Variants in SPTB observed in about 807,000 individuals in gnomAD.
The protein encoded by SPTB is spectrin beta chain, erythrocytic.
SPTB carries 45 observed loss-of-function variants against 256.2 expected under a neutral mutation model. The ratio of observed to expected loss-of-function variants is 0.18; its 90% CI spans 0.14 to 0.23. The LOEUF (loss-of-function observed/expected upper bound fraction) is 0.23, where lower values mean the gene tolerates loss of function less well. Ranked by LOEUF, SPTB falls within the 10% of genes least tolerant of loss-of-function variation. The probability of loss-of-function intolerance (pLI) is 1.00; values close to 1 mark genes in which losing one functional copy is unlikely to be tolerated. For missense variants in SPTB, 2,715 were observed against 3,040.4 expected (o/e 0.89, Z 2.52); for synonymous variants, 1,231 against 1,243.1 (o/e 0.99, Z 0.21).
intron 1 of SPTB, among the ~76,000 whole-genome samples, chr14:64,868,364 G>A (rs11158564): frequency 0.81 from 122,987 of 151,950 alleles, 51,246 homozygotes; most frequent in Non-Finnish European, 0.91. Context: ...TTACTTGGGG[G>A]GATGGTGACA....
In SPTB at chr14:64,786,505, C is replaced by T. The variant is rs1435734860; in HGVS notation, c.3460G>A (p.Gly1154Ser). ...EGLDTGWNAL[G>S]RMWESRSHTL... ...TGGCTGCGGCTCTCCCACATCCTGC[C>T]CAGGGCATTCCAGCCAGTATCCAGG... The change falls in exon 16 of 36, where the codon GGC (glycine) becomes AGC (serine). Residue 1154 changes from glycine (G) to serine (S), a missense_variant. Coordinates refer to ENST00000644917, the MANE Select transcript of SPTB (RefSeq NM_001355436.2). The surrounding 1 kb of genome is among the most constrained non-coding windows in gnomAD (Gnocchi z 5.6). The T allele has an allele frequency of 1.2e-6, 2 of 1,613,958 alleles. No homozygotes were observed. The highest frequency in any genetic ancestry group is 1.7e-6 in the Non-Finnish European group (2 of 1,180,020).
At chr14:64,829,308 A>C (rs891667882) in intron 1 of SPTB, among the ~76,000 whole-genome samples, 1 of 152,250 alleles carries the variant, frequency 6.6e-6, no homozygotes, top group African/African-American at 2.4e-5. Context: ...TCAACAAGTT[A>C]GAGGCTTTAA....
intron 27 of SPTB, 138 bp from the exon 28 acceptor site, chr14:64,769,866 G>A: frequency 8.4e-7 from 1 of 1,189,612 alleles, no homozygotes; most frequent in Non-Finnish European, 1.2e-6. Context: ...GCCAGCCAGG[G>A]GGTCCTCCGC....
intron 29 of SPTB, among the ~76,000 whole-genome samples, chr14:64,768,725 C>A (rs1417036992): frequency 6.6e-6 from 1 of 150,770 alleles, no homozygotes; most frequent in East Asian, 2.0e-4. Flanking sequence ...GGGCCCCCAA[C>A]TCCTCCCCCA....
Position 64,775,404 on chromosome 14 carries a change from C to T in SPTB, c.4564-1G>A. On this transcript the variant is annotated splice_acceptor_variant, in intron 22 of 35. Coordinates refer to ENST00000644917, the MANE Select transcript of SPTB (RefSeq NM_001355436.2). LOFTEE classifies it high-confidence loss of function. The surrounding 1 kb of genome is among the most constrained non-coding windows in gnomAD (Gnocchi z 5.0). ...GGCCCAGAATCTCATTCTGCAGTGT[C>T]TGCGGCCAGAAGGAAGGGCTCGGGG... 3 of 1,610,868 alleles carry T rather than the reference C, an allele frequency of 1.9e-6. No individual in the cohort carries two copies.
chr14:64,763,197 G>A (rs950072741), intron 32 of SPTB, among the ~76,000 whole-genome samples: 1 of 152,230 alleles, frequency 6.6e-6, no homozygotes, highest in Non-Finnish European at 1.5e-5. Context: ...CCTGGGAGGT[G>A]GGGGATGCTC....
In SPTB at chr14:64,792,587, T is replaced by C. The variant is rs918247228; in HGVS notation, c.2666+410A>G. Among the ~76,000 whole-genome samples the C allele has an allele frequency of 2.6e-5, 4 of 152,154 alleles. No homozygotes were observed. The highest frequency in any genetic ancestry group is 9.7e-5 in the African/African-American group (4 of 41,434). ...ACAGGGGGTTTGCAAATTCTCTCTGTGGCCCCTCAGAGTCTCCTGGCTTAA... is the reference window on the plus strand; with the variant it reads ...ACAGGGGGTTTGCAAATTCTCTCTGCGGCCCCTCAGAGTCTCCTGGCTTAA... On this transcript the variant is annotated intron_variant, in intron 14 of 35. Transcript: ENST00000644917. The surrounding 1 kb of genome is among the most constrained non-coding windows in gnomAD (Gnocchi z 4.2).
intron 1 of SPTB, among the ~76,000 whole-genome samples, chr14:64,858,858 T>G (rs1053665003): frequency 3.9e-5 from 6 of 152,184 alleles, no homozygotes; most frequent in African/African-American, 1.4e-4. Context: ...CTGCCTTAGC[T>G]TAAACAGACT....
rs999190303 is a variant in SPTB, at chr14:64,806,131, A to C, written c.149-1041T>G. On this transcript the variant is annotated intron_variant, in intron 2 of 35. Coordinates refer to ENST00000644917, the MANE Select transcript of SPTB (RefSeq NM_001355436.2). The surrounding 1 kb of genome is among the most constrained non-coding windows in gnomAD (Gnocchi z 4.1). ...AGAGGACAGAAGACTGGGATGGCAC[A>C]AAAAAAAGAGAGAGAAAAGGATAGA... Among the ~76,000 whole-genome samples, 2 of 104,670 alleles carry C rather than the reference A, an allele frequency of 1.9e-5. No homozygotes were observed. Among genetic ancestry groups the C allele is most frequent in the Non-Finnish European group, 3.5e-5 (2 of 56,682 alleles). The allele number at this position is 104,670 out of a possible 152,430, so 68.7% of individuals were successfully genotyped here.
chr14:64,795,511 T>C lies in SPTB; in HGVS notation c.1470A>G (p.Lys490=), dbSNP rs1333210278. 1.2e-6 allele frequency: 2 copies of C among 1,614,044 alleles called. No homozygotes were observed. The highest frequency in any genetic ancestry group is 1.7e-6 in the Non-Finnish European group (2 of 1,180,046). The stretch of plus-strand genomic sequence containing the variant: ...TGCGCTTCTGGTCATGGTAGTTCTC[T>C]TTCTCCAGCTCCTGAGCCAGGTCCT... The part of the protein sequence containing the change: ...ALEDLAQELE[K]ENYHDQKRIT... Residue 490 remains lysine, a synonymous_variant, in exon 12 of 36, where the codon AAA becomes AAG. Transcript: ENST00000644917. The surrounding 1 kb of genome is among the most constrained non-coding windows in gnomAD (Gnocchi z 6.5).
intron 15 of SPTB, among the ~76,000 whole-genome samples, chr14:64,788,519 G>A (rs964629810): frequency 1.3e-5 from 2 of 152,164 alleles, no homozygotes; most frequent in Non-Finnish European, 2.9e-5. Flanking sequence ...TGGGAATTCC[G>A]TGCCTGTCTG....
chr14:64,767,267 A>G (rs2082200057), intron 31 of SPTB, 36 bp downstream of exon 31: 2 of 1,613,274 alleles, frequency 1.2e-6, no homozygotes, highest in Non-Finnish European at 1.7e-6. Flanking sequence ...CACTTGGCAG[A>G]GCATTCAGCT....
intron 1 of SPTB, among the ~76,000 whole-genome samples, chr14:64,830,076 G>A (rs536648133): frequency 5.3e-5 from 8 of 152,058 alleles, no homozygotes; most frequent in African/African-American, 1.4e-4. Context: ...GTAGCTCCCC[G>A]CTCTGTTAGC....
chr14:64,787,059 C>A lies in SPTB; in HGVS notation c.2906G>T (p.Trp969Leu). 1 of 1,613,918 alleles carries A rather than the reference C, an allele frequency of 6.2e-7. No homozygotes were observed. Among genetic ancestry groups the A allele is most frequent in the Non-Finnish European group, 8.5e-7 (1 of 1,180,038 alleles). The change falls in exon 16 of 36, where the codon TGG (tryptophan) becomes TTG (leucine). Residue 969 changes from tryptophan to leucine, a missense_variant. By Grantham distance (61) the Trp-to-Leu change is moderately conservative (BLOSUM62 -2). Coordinates refer to ENST00000644917, the MANE Select transcript of SPTB (RefSeq NM_001355436.2). ...YCVDCEETSKWITDKTKVVES... is the reference protein window; with the variant it reads ...YCVDCEETSKLITDKTKVVES... ...CACTACCTTTGTCTTGTCCGTGATC[C>A]ACTTGCTGGTCTCCTCGCAATCTAC... is the stretch of plus-strand genomic sequence containing the variant.
In SPTB at chr14:64,841,658, T is replaced by C. The variant is rs2083608871; in HGVS notation, c.-51-18513A>G. Among the ~76,000 whole-genome samples the C allele has an allele frequency of 6.6e-6, 1 of 152,108 alleles. No individual in the cohort carries two copies. Among genetic ancestry groups the C allele is most frequent in the African/African-American group, 2.4e-5 (1 of 41,390 alleles). On this transcript the variant is annotated intron_variant, in intron 1 of 35. Coordinates refer to ENST00000644917, the MANE Select transcript of SPTB (RefSeq NM_001355436.2). This position sits in a 1 kb window ranked among gnomAD's most constrained non-coding sequence, Gnocchi z 4.6. ...ACATGGAGAAGATAGGAAAGCATTG[T>C]GGGTAACGTTCCCAGGACAGACCAG...
In SPTB at chr14:64,785,572, G is replaced by C. The variant is rs370662950; in HGVS notation, c.3820C>G (p.Leu1274Val). 4.3e-6 allele frequency: 7 copies of C among 1,613,914 alleles called. No homozygotes were observed. The highest frequency in any genetic ancestry group is 5.9e-6 in the Non-Finnish European group (7 of 1,180,000). ...QEASVLLRDN[L>V]ELQNFLQNCQ... is the part of the protein sequence containing the mutation. ...TTCTGGAGGAAGTTCTGTAGCTCCA[G>C]GTTGTCTCTCAGTAGGACAGAGGCC... Residue 1274 changes from leucine (L) to valine (V), a missense_variant, in exon 18 of 36, where the codon CTG becomes GTG. By Grantham distance (32) the Leu-to-Val change is conservative. Around this residue, in one of 4 missense-constraint regions of SPTB, gnomAD observed 2,239 missense variants for 2,384.4 expected, o/e 0.94. Transcript: ENST00000644917. This position sits in a 1 kb window ranked among gnomAD's most constrained non-coding sequence, Gnocchi z 4.4.
At position 64,845,765 on chromosome 14, in the gene SPTB, G is replaced by C. The variant is rs568845730; in HGVS notation, c.-51-22620C>G. The stretch of plus-strand genomic sequence containing the variant: ...GTGAAATGAGTTCTGCCATGGGCTC[G>C]CCTAGTCTCTTCATTGTTGAGTCAA... On this transcript the variant is annotated intron_variant, in intron 1 of 35. Coordinates refer to ENST00000644917, the MANE Select transcript of SPTB (RefSeq NM_001355436.2). The surrounding 1 kb of genome is among the most constrained non-coding windows in gnomAD (Gnocchi z 4.8). Among the ~76,000 whole-genome samples the C allele has an allele frequency of 6.6e-6, 1 of 152,112 alleles. No homozygotes were observed. The highest frequency in any genetic ancestry group is 2.4e-5 in the African/African-American group (1 of 41,406).
intron 20 of SPTB, among the ~76,000 whole-genome samples, 179 bp downstream of exon 20, chr14:64,782,111 A>C (rs774132796): frequency 2.6e-5 from 4 of 152,180 alleles, no homozygotes; most frequent in Non-Finnish European, 5.9e-5. Flanking sequence ...ACTATTGGGT[A>C]TTGAGCTTAA....
intron 13 of SPTB, among the ~76,000 whole-genome samples, 185 bp downstream of exon 13, chr14:64,794,282 C>A (rs557119422): frequency 6.6e-6 from 1 of 152,120 alleles, no homozygotes; most frequent in African/African-American, 2.4e-5. Context: ...TATAGGTTAC[C>A]GAAGCAGTTG....
Sources: gnomAD v4.1 joint callset for allele counts (sites outside exome capture counted in the v4.1 genomes callset) on GRCh38, gnomAD v4.1.1 for gene constraint, gnomAD v4.1.1 regional missense constraint, Gnocchi (gnomAD v3.1) non-coding constraint, MANE v1.5 for transcripts, NCBI Gene and HGNC (gene_info 2026-07-23, HGNC 2026-07-21) for gene names.